IP6K3: variants seen among roughly 807,000 people sequenced by gnomAD.
IP6K3 encodes the protein inositol hexakisphosphate kinase 3.
Under a neutral mutation model 28.8 loss-of-function variants are expected in IP6K3, and 20 were observed. The ratio of observed to expected loss-of-function variants is 0.70; its 90% CI spans 0.49 to 1.01. The LOEUF is 1.01. Among genes scored for constraint, IP6K3 ranks in the 50% least tolerant of loss-of-function variants. IP6K3 has a pLI of 0.00. For synonymous variants in IP6K3, 213 were observed against 221.3 expected (o/e 0.96, Z 0.33); for missense variants, 480 against 537.1 (o/e 0.89, Z 1.05).
At chr6:33,745,179 T>C (rs1210079484) in intron 1 of IP6K3, among the ~76,000 whole-genome samples, 3 of 152,260 alleles carry the variant, frequency 2.0e-5, no homozygotes, top group African/African-American at 7.2e-5. Context: ...AGTTTATTGC[T>C]GTTCCCTGTG....
the IP6K3 span, among the ~76,000 whole-genome samples, chr6:33,760,085 G>A: frequency 1.3e-5 from 2 of 152,192 alleles, no homozygotes; most frequent in Non-Finnish European, 2.9e-5. Context: ...AAACTAATCC[G>A]CACTAAGGGG....
intron 1 of IP6K3, among the ~76,000 whole-genome samples, chr6:33,737,474 T>A (rs564651838): frequency 6.4e-4 from 97 of 152,342 alleles, no homozygotes; most frequent in Admixed American, 1.2e-3. Flanking sequence ...AACGCTCTAA[T>A]TGACCTTCAA....
Position 33,723,048 on chromosome 6 carries a change from A to G in IP6K3, c.905T>C (p.Ile302Thr). 1.2e-6 allele frequency: 2 copies of G among 1,614,140 alleles called. No individual in the cohort carries two copies. The highest frequency in any genetic ancestry group is 1.7e-6 in the Non-Finnish European group (2 of 1,180,024). The change falls in exon 6 of 6, where the codon ATC becomes ACC. Residue 302 changes from isoleucine to threonine, a missense_variant. Coordinates refer to ENST00000293756, the MANE Select transcript of IP6K3 (RefSeq NM_054111.5). ...GAGGAGGGCCCGGAGCTGGTGCAGG[A>G]TGGGCTCCAGGAGCTCCCTCCGGAG... is the stretch of plus-strand genomic sequence containing the variant. ...SHLRRELLEP[I>T]LHQLRALLSV... is the part of the protein sequence containing the mutation.
the IP6K3 span, among the ~76,000 whole-genome samples, chr6:33,755,272 G>A: frequency 1.3e-5 from 2 of 152,262 alleles, no homozygotes; most frequent in African/African-American, 2.4e-5. Context: ...GCCTGGGCCC[G>A]CTCAGCCCCC....
At chr6:33,755,198 C>T in the IP6K3 span, among the ~76,000 whole-genome samples, 4 of 152,244 alleles carry the variant, frequency 2.6e-5, no homozygotes, top group Non-Finnish European at 5.9e-5. Flanking sequence ...TGCCTGCACC[C>T]CTGGACAAGG....
intron 3 of IP6K3, 30 bp downstream of exon 3, chr6:33,728,057 G>C (rs1452346861): frequency 6.3e-7 from 1 of 1,593,734 alleles, no homozygotes; most frequent in African/African-American, 1.3e-5. Context: ...CGAGGGACAG[G>C]GTTTCTGTCA....
the IP6K3 span, among the ~76,000 whole-genome samples, chr6:33,754,742 G>A: frequency 6.6e-6 from 1 of 152,218 alleles, no homozygotes; most frequent in South Asian, 2.1e-4. Flanking sequence ...AGGGGACTGG[G>A]AAGACCCAGG....
chr6:33,733,226 A>T (rs192478323), intron 2 of IP6K3, among the ~76,000 whole-genome samples: 24 of 152,348 alleles, frequency 1.6e-4, no homozygotes, highest in Admixed American at 1.5e-3. Context: ...GTAGCTATGG[A>T]TACAATTAGC....
At chr6:33,730,094 GGTAGGCCGCAT>G (rs2127353854) in intron 2 of IP6K3, among the ~76,000 whole-genome samples, 1 of 152,220 alleles carries the variant, frequency 6.6e-6, no homozygotes, top group East Asian at 1.9e-4. Flanking sequence ...ACCGAAAGAG[GGTAGGCCGCAT>G]GTTTTTATGT....
rs1766137110 is a variant in IP6K3 at position 33,726,873 on chromosome 6, G to C, written c.447C>G (p.His149Gln). Residue 149 changes from histidine (H) to glutamine (Q), a missense_variant, in exon 4 of 6, where the codon CAC becomes CAG. By Grantham distance (24) the His-to-Gln change is conservative. Coordinates refer to ENST00000293756, the MANE Select transcript of IP6K3 (RefSeq NM_054111.5). ...CCAGCGAGAAGGCTGGAGTGTTGAG[G>C]TGGGGCTCGGACCTCAGAAGAGCCT... ...PAKALLRSEP[H>Q]LNTPAFSLVE... 1 of 1,611,532 alleles carries C rather than the reference G, an allele frequency of 6.2e-7. No individual in the cohort carries two copies.
chr6:33,740,891 G>A (rs1766696232), intron 1 of IP6K3, among the ~76,000 whole-genome samples: 1 of 152,212 alleles, frequency 6.6e-6, no homozygotes, highest in African/African-American at 2.4e-5. Flanking sequence ...GATTAGTCAT[G>A]GACTATATCT....
chr6:33,728,628 A>G (rs9368776), intron 2 of IP6K3, among the ~76,000 whole-genome samples: 62,969 of 152,056 alleles, frequency 0.41, 15,409 homozygotes, highest in East Asian at 0.86. Flanking sequence ...CTCTGTGCGC[A>G]GTCACACCTC....
intron 5 of IP6K3, among the ~76,000 whole-genome samples, chr6:33,724,626 A>G (rs1766028061): frequency 6.6e-6 from 1 of 152,190 alleles, no homozygotes; most frequent in African/African-American, 2.4e-5. Context: ...ACTGGTAGCA[A>G]AAAGGAGCAG....
chr6:33,722,709 C>A lies in IP6K3; in HGVS notation c.*11G>T. On this transcript the variant is annotated 3_prime_UTR_variant, in exon 6 of 6. Coordinates refer to ENST00000293756, the MANE Select transcript of IP6K3 (RefSeq NM_054111.5). Reference sequence around the variant, plus strand: ...TATAGCCCAGAAGAATCCAGATAAGCCCAGGAAGTTTCATTCTCCCTCTTG... The same window carrying A: ...TATAGCCCAGAAGAATCCAGATAAGACCAGGAAGTTTCATTCTCCCTCTTG... The A allele has an allele frequency of 1.3e-6, 2 of 1,568,914 alleles. No individual in the cohort carries two copies. Among genetic ancestry groups the A allele is most frequent in the Admixed American group, 1.7e-5 (1 of 57,932 alleles).
Position 33,726,887 on chromosome 6 carries a change from T to C in IP6K3, c.433A>G (p.Arg145Gly), listed in dbSNP as rs1766138318. Residue 145 changes from arginine to glycine, a missense_variant, in exon 4 of 6, where the codon AGG (arginine) becomes GGG (glycine). Transcript: ENST00000293756. ...GGAGTGTTGAGGTGGGGCTCGGACC[T>C]CAGAAGAGCCTTGGCCGGGCTGCGG... ...PKESPAKALL[R>G]SEPHLNTPAF... 1 of 1,606,746 alleles carries C rather than the reference T, an allele frequency of 6.2e-7. No homozygotes were observed. The highest frequency in any genetic ancestry group is 1.3e-5 in the African/African-American group (1 of 74,758).
chr6:33,727,810 T>C, intron 3 of IP6K3: 1 of 984,496 alleles, frequency 1.0e-6, no homozygotes, highest in Non-Finnish European at 1.2e-6. Flanking sequence ...AGATATTTAA[T>C]TAAACAAATA....
chr6:33,745,434 G>A (rs893676187), intron 1 of IP6K3, among the ~76,000 whole-genome samples: 3 of 152,122 alleles, frequency 2.0e-5, no homozygotes, highest in East Asian at 1.9e-4. Flanking sequence ...CAGGCTCCCT[G>A]AGCCTGCCTC....
chr6:33,754,707 G>T, the IP6K3 span, among the ~76,000 whole-genome samples: 6 of 152,208 alleles, frequency 3.9e-5, no homozygotes, highest in African/African-American at 1.4e-4. Context: ...CCCCAGGAAG[G>T]CCCCGGAGGC....
At chr6:33,723,655 C>T (rs1006921526) in intron 5 of IP6K3, among the ~76,000 whole-genome samples, 1 of 152,234 alleles carries the variant, frequency 6.6e-6, no homozygotes, top group Admixed American at 6.5e-5. Flanking sequence ...AAAGTCCTTT[C>T]TCTGCAGATT....
Sources: allele counts gnomAD v4.1 joint callset (sites outside exome capture counted in the v4.1 genomes callset), GRCh38; gene constraint gnomAD v4.1.1; transcripts MANE v1.5; gene names NCBI Gene and HGNC (gene_info 2026-07-23, HGNC 2026-07-21).